Variants in ADGRB3 observed in about 807,000 individuals in gnomAD.
ADGRB3 encodes adhesion G protein-coupled receptor B3.
A neutral mutation model predicts 193.4 loss-of-function variants in ADGRB3; 37 were observed. The ratio of observed to expected loss-of-function variants is 0.19; its 90% CI spans 0.15 to 0.25. The LOEUF is 0.25. Among genes scored for constraint, ADGRB3 ranks in the 10% least tolerant of loss-of-function variants. The pLI, the probability that ADGRB3 is intolerant of heterozygous loss-of-function variation, is 1.00. For synonymous variants in ADGRB3, 690 were observed against 644.2 expected (o/e 1.07, Z -1.08); for missense variants, 1,637 against 1,852.9 (o/e 0.88, Z 2.14).
At chr6:69,287,350 G>T (rs1767574060) in intron 20 of ADGRB3, among the ~76,000 whole-genome samples, 1 of 152,014 alleles carries the variant, frequency 6.6e-6, no homozygotes, top group South Asian at 2.1e-4. Context: ...AGATTGAGAG[G>T]ACAGTAGGAA....
chr6:68,695,184 C>T (rs1015695203), intron 3 of ADGRB3, among the ~76,000 whole-genome samples: 1 of 151,870 alleles, frequency 6.6e-6, no homozygotes, highest in Non-Finnish European at 1.5e-5. Context: ...CAGATAGCTG[C>T]TTGAATGTAG....
intron 20 of ADGRB3, among the ~76,000 whole-genome samples, chr6:69,303,677 A>T (rs1767998750): frequency 6.6e-6 from 1 of 151,954 alleles, no homozygotes; most frequent in African/African-American, 2.4e-5. Flanking sequence ...TTAAAAAAAA[A>T]ATTTTTTGCT....
At chr6:68,872,256 C>G (rs1385700301) in intron 3 of ADGRB3, among the ~76,000 whole-genome samples, 1 of 152,020 alleles carries the variant, frequency 6.6e-6, no homozygotes, top group African/African-American at 2.4e-5. Flanking sequence ...CTTTGCCAGC[C>G]TTAGTTAGCA....
intron 3 of ADGRB3, among the ~76,000 whole-genome samples, chr6:68,685,818 G>A (rs1764973441): frequency 6.6e-6 from 1 of 152,060 alleles, no homozygotes; most frequent in East Asian, 1.9e-4. Flanking sequence ...CTTAAATCTG[G>A]AGGGGCGGAG....
chr6:69,331,276 T>C (rs958051939), intron 23 of ADGRB3, among the ~76,000 whole-genome samples: 1 of 152,220 alleles, frequency 6.6e-6, no homozygotes, highest in African/African-American at 2.4e-5. Context: ...ACTACGGTAA[T>C]GTGAAATATT....
At chr6:68,982,554 C>T (rs1001562116) in intron 10 of ADGRB3, among the ~76,000 whole-genome samples, 3 of 152,174 alleles carry the variant, frequency 2.0e-5, no homozygotes, top group Non-Finnish European at 2.9e-5. Context: ...GCTTTCTGCC[C>T]AAGCAACTTC....
chr6:68,870,324 GTTGTAC>G (rs1474116520), intron 3 of ADGRB3, among the ~76,000 whole-genome samples: 1 of 152,182 alleles, frequency 6.6e-6, no homozygotes, highest in South Asian at 2.1e-4. Flanking sequence ...TTAAATCACA[GTTGTAC>G]TTGGACTATT....
At chr6:69,119,861 A>G (rs1326423297) in intron 17 of ADGRB3, among the ~76,000 whole-genome samples, 33 of 152,166 alleles carry the variant, frequency 2.2e-4, no homozygotes, top group Non-Finnish European at 2.9e-5. Flanking sequence ...AAATGAGATA[A>G]ACTTACATTT....
intron 20 of ADGRB3, among the ~76,000 whole-genome samples, chr6:69,290,032 C>A (rs897602311): frequency 1.2e-4 from 18 of 151,986 alleles, no homozygotes; most frequent in African/African-American, 4.1e-4. Context: ...TGCACACACA[C>A]CTCAGGACCA....
At chr6:69,218,720 G>A (rs186349646) in intron 17 of ADGRB3, among the ~76,000 whole-genome samples, 303 of 152,238 alleles carry the variant, frequency 2.0e-3, no homozygotes, top group African/African-American at 6.8e-3. Context: ...CTAATTAGGT[G>A]AAGATACCTT....
rs571533152 is a variant in ADGRB3, at chr6:69,038,305, C to T, written c.2108-9880C>T. Among the ~76,000 whole-genome samples the T allele has an allele frequency of 3.8e-4, 56 of 148,912 alleles. 2 individuals carry two copies. The South Asian group carries it at 9.7e-3, about 26-fold the overall frequency. On this transcript the variant is annotated intron_variant, in intron 13 of 31. Transcript: ENST00000370598. ...ATAAGGTTTGAACAACCTTGAGTAT[C>T]AAATATGATATCATGAATACACAGA... is the stretch of plus-strand genomic sequence containing the variant.
intron 17 of ADGRB3, among the ~76,000 whole-genome samples, chr6:69,221,924 A>G (rs1372313813): frequency 6.6e-6 from 1 of 152,172 alleles, no homozygotes; most frequent in East Asian, 1.9e-4. Context: ...TATGTGGTTT[A>G]GCTGATCCCA....
Position 68,665,200 on chromosome 6 carries a change from T to C in ADGRB3, c.757+25768T>C, listed in dbSNP as rs149893512. On this transcript the variant is annotated intron_variant, in intron 3 of 31. Coordinates refer to ENST00000370598, the MANE Select transcript of ADGRB3 (RefSeq NM_001704.3). ...CGGTGCTCTACACGTTCAGAGAAAC[T>C]TCTCTAGTAACAAACTATAGAAATG... 5.7e-4 allele frequency among the ~76,000 whole-genome samples: 86 copies of C among 151,828 alleles called. 1 individual carries two copies. Among genetic ancestry groups the C allele is most frequent in the African/African-American group, 2.1e-3 (85 of 41,458 alleles).
chr6:68,738,452 AG>A (rs1765914691), intron 3 of ADGRB3, among the ~76,000 whole-genome samples: 1 of 152,080 alleles, frequency 6.6e-6, no homozygotes, highest in African/African-American at 2.4e-5. Context: ...GAGATGAATT[AG>A]GGGGGAAATA....
At chr6:69,034,210 C>T (rs1191931027) in intron 13 of ADGRB3, among the ~76,000 whole-genome samples, 3 of 151,910 alleles carry the variant, frequency 2.0e-5, no homozygotes, top group Non-Finnish European at 4.4e-5. Flanking sequence ...CAGAGTCTGA[C>T]CTTCCTCTCT....
chr6:68,869,713 G>A (rs1765403649), intron 3 of ADGRB3, among the ~76,000 whole-genome samples: 1 of 147,152 alleles, frequency 6.8e-6, no homozygotes, highest in Non-Finnish European at 1.5e-5. Context: ...AGTTTTATGT[G>A]AGGCCTGCAT....
At chr6:68,806,093 T>A (rs1021660718) in intron 3 of ADGRB3, among the ~76,000 whole-genome samples, 3 of 152,212 alleles carry the variant, frequency 2.0e-5, no homozygotes, top group African/African-American at 7.2e-5. Flanking sequence ...ATTTACCAGA[T>A]GTTTAGAAAT....
intron 17 of ADGRB3, among the ~76,000 whole-genome samples, chr6:69,097,490 A>G (rs1200731877): frequency 6.6e-6 from 1 of 152,218 alleles, no homozygotes; most frequent in East Asian, 1.9e-4. Flanking sequence ...CTAACCATTC[A>G]TGTCTAAGTG....
At chr6:69,245,493 A>G (rs1483440434) in intron 20 of ADGRB3, among the ~76,000 whole-genome samples, 3 of 152,128 alleles carry the variant, frequency 2.0e-5, no homozygotes, top group Non-Finnish European at 4.4e-5. Context: ...CCTGAGAAAA[A>G]GCAGATCTTA....
Sources: gnomAD v4.1 joint callset for allele counts (sites outside exome capture counted in the v4.1 genomes callset) on GRCh38, gnomAD v4.1.1 for gene constraint, MANE v1.5 for transcripts, NCBI Gene and HGNC (gene_info 2026-07-23, HGNC 2026-07-21) for gene names.